The following C11orf65 variants were observed in gnomAD, a reference collection of about 807,000 sequenced individuals.
C11orf65 encodes protein MFI.
In C11orf65, 38 loss-of-function variants were observed where a neutral mutation model predicts 35.3. The ratio of observed to expected loss-of-function variants is 1.08; its 90% CI spans 0.83 to 1.41. The LOEUF is 1.41. Ranked by LOEUF, C11orf65 falls within the 40% of genes most tolerant of loss-of-function variation. The pLI is 0.00. For missense variants in C11orf65, 370 were observed against 367.1 expected (o/e 1.01, Z -0.06); for synonymous variants, 105 against 114.4 (o/e 0.92, Z 0.53).
rs876658716 is a variant in C11orf65, at chr11:108,345,873, T to C, written c.227-10581A>G. The C allele has an allele frequency of 1.9e-6, 3 of 1,613,888 alleles. No individual in the cohort carries two copies. The highest frequency in any genetic ancestry group is 1.7e-5 in the Admixed American group (1 of 60,012). ...CCAGCTATTTGGTTTGAGAAGCGAT[T>C]GGCTTATACGCGCAGTGTAGCTACT... On this transcript the variant is annotated intron_variant, in intron 2 of 3. Transcript: ENST00000524755.
chr11:108,332,969 T>C lies in C11orf65; in HGVS notation c.300-1402A>G, dbSNP rs140400673. On this transcript the variant is annotated intron_variant, in intron 3 of 3. Coordinates refer to the C11orf65 transcript ENST00000524755. ...ACTCTCTGTAGAGATATATTAGTTA[T>C]AGAGCCTAATAAGTAAATCTGCTTA... The C allele has an allele frequency of 2.1e-3, 3,293 of 1,537,392 alleles. 34 individuals carry two copies. The African/African-American group carries it at 0.025, about 12-fold the overall frequency.
At chr11:108,395,924 AT>A (rs1428630065) in intron 6 of C11orf65, among the ~76,000 whole-genome samples, 3 of 151,622 alleles carry the variant, frequency 2.0e-5, no homozygotes, top group Non-Finnish European at 4.4e-5. Flanking sequence ...CCCAGCCAAA[AT>A]TTTTTAAAAT....
At chr11:108,395,881 A>G (rs917821625) in intron 6 of C11orf65, among the ~76,000 whole-genome samples, 15 of 152,016 alleles carry the variant, frequency 9.9e-5, no homozygotes, top group Non-Finnish European at 1.9e-4. Context: ...TCGGCCTCAC[A>G]AAGTGCTGGG....
At chr11:108,377,188 G>T (rs1462349121) in intron 2 of C11orf65, among the ~76,000 whole-genome samples, 8 of 151,842 alleles carry the variant, frequency 5.3e-5, no homozygotes, top group East Asian at 3.9e-4. Flanking sequence ...AAAAGAGAAT[G>T]TTAGACCAAT....
chr11:108,415,792 C>T (rs2092722077), intron 3 of C11orf65, among the ~76,000 whole-genome samples: 1 of 151,924 alleles, frequency 6.6e-6, no homozygotes, highest in Admixed American at 6.6e-5. Context: ...AAGACAGAGC[C>T]CAGAAATAGA....
At chr11:108,373,390 T>G (rs1165117165) in intron 2 of C11orf65, among the ~76,000 whole-genome samples, 1 of 152,192 alleles carries the variant, frequency 6.6e-6, no homozygotes, top group Non-Finnish European at 1.5e-5. Context: ...TATTTAATGA[T>G]GAAAACCTTG....
At chr11:108,469,465 G>C (rs75550163), upstream of C11orf65, among the ~76,000 whole-genome samples, 3,318 of 151,236 alleles carry the variant, frequency 0.022, 95 homozygotes, top group African/African-American at 0.069. Context: ...TATTAGGTTG[G>C]TGCAAAAGTA....
chr11:108,331,796 A>G, intron 3 of C11orf65: 3 of 1,496,594 alleles, frequency 2.0e-6, no homozygotes, highest in Non-Finnish European at 2.8e-6. Flanking sequence ...ACAGTAATAC[A>G]CATTTTAATG....
chr11:108,427,099 T>C (rs561685496), intron 3 of C11orf65, among the ~76,000 whole-genome samples: 18 of 152,190 alleles, frequency 1.2e-4, no homozygotes, highest in African/African-American at 4.3e-4. Flanking sequence ...GAAGAAAACC[T>C]AGGCAATACC....
chr11:108,415,068 T>A (rs918514099), intron 3 of C11orf65, among the ~76,000 whole-genome samples: 1 of 152,122 alleles, frequency 6.6e-6, no homozygotes, highest in Non-Finnish European at 1.5e-5. Flanking sequence ...ACACCTAATA[T>A]CATACTTAAT....
At chr11:108,444,297 A>T (rs1489176243) in intron 2 of C11orf65, among the ~76,000 whole-genome samples, 1 of 152,148 alleles carries the variant, frequency 6.6e-6, no homozygotes. Context: ...TAGACCAATA[A>T]CAGGCCCTGA....
chr11:108,452,335 A>G (rs2093359407), intron 2 of C11orf65, among the ~76,000 whole-genome samples: 1 of 152,188 alleles, frequency 6.6e-6, no homozygotes, highest in Non-Finnish European at 1.5e-5. Context: ...CCCCATCAAA[A>G]AGTGGGCAAA....
intron 2 of C11orf65, among the ~76,000 whole-genome samples, chr11:108,436,852 T>G (rs1363706336): frequency 6.6e-6 from 1 of 152,038 alleles, no homozygotes; most frequent in Non-Finnish European, 1.5e-5. Context: ...CCCAATAACA[T>G]GCCAGTCCAG....
At chr11:108,431,626 G>T in intron 3 of C11orf65, 120 bp downstream of exon 3, 1 of 491,230 alleles carries the variant, frequency 2.0e-6, no homozygotes, top group Non-Finnish European at 3.4e-6. Flanking sequence ...CAACATATGT[G>T]TAATACTTTA....
chr11:108,388,887 G>A (rs991223046), intron 7 of C11orf65, among the ~76,000 whole-genome samples: 15 of 152,322 alleles, frequency 9.8e-5, no homozygotes, highest in Admixed American at 3.9e-4. Context: ...GTGTGTTTGA[G>A]TCCACTAGTG....
At chr11:108,429,416 T>C (rs538651768) in intron 3 of C11orf65, among the ~76,000 whole-genome samples, 105 of 2,238 alleles carry the variant, frequency 0.047, 1 homozygote, top group African/African-American at 0.058. Flanking sequence ...ACATGTTTTA[T>C]AATAAAAATC....
chr11:108,330,132 T>A (rs2086099024), downstream of C11orf65: 1 of 1,466,870 alleles, frequency 6.8e-7, no homozygotes, highest in African/African-American at 1.4e-5. Context: ...CTTTTTTCAT[T>A]AAATGTTGTA....
chr11:108,467,972 T>A (rs80304076), upstream of C11orf65, among the ~76,000 whole-genome samples: 455 of 151,618 alleles, frequency 3.0e-3, 5 homozygotes, highest in African/African-American at 9.5e-3. Flanking sequence ...ACCGTAGGAG[T>A]GCACCACCAC....
chr11:108,449,033 A>T (rs1198598713), intron 2 of C11orf65, among the ~76,000 whole-genome samples: 1 of 152,212 alleles, frequency 6.6e-6, no homozygotes, highest in African/African-American at 2.4e-5. Flanking sequence ...TCCCATTCAC[A>T]ATTGCTTCAA....
Sources: gnomAD v4.1 joint callset for allele counts (sites outside exome capture counted in the v4.1 genomes callset) on GRCh38, gnomAD v4.1.1 for gene constraint, MANE v1.5 for transcripts, NCBI Gene and HGNC (gene_info 2026-07-23, HGNC 2026-07-21) for gene names.